The following CNTN5 variants were observed in gnomAD, a reference collection of about 807,000 sequenced individuals.
CNTN5 encodes contactin-5.
A neutral mutation model predicts 129.1 loss-of-function variants in CNTN5; 77 were observed. The ratio of observed to expected loss-of-function variants is 0.60; its 90% CI spans 0.50 to 0.72. The LOEUF is 0.72. Among genes scored for constraint, CNTN5 ranks in the 30% least tolerant of loss-of-function variants. The probability of loss-of-function intolerance (pLI) is 0.00; values close to 1 mark genes in which losing one functional copy is unlikely to be tolerated. For synonymous variants in CNTN5, 509 were observed against 465.6 expected, an observed-to-expected ratio of 1.09 and a Z score of -1.20; for missense variants, 1,478 against 1,328.8, an observed-to-expected ratio of 1.11 and a Z score of -1.75.
chr11:99,105,875 A>C (rs1054181654), intron 1 of CNTN5, among the ~76,000 whole-genome samples: 1 of 152,182 alleles, frequency 6.6e-6, no homozygotes, highest in Non-Finnish European at 1.5e-5. Flanking sequence ...GGAGTGTGCT[A>C]ATATTTTCTA....
At chr11:99,665,922 A>G (rs1284198742) in intron 3 of CNTN5, among the ~76,000 whole-genome samples, 1 of 151,746 alleles carries the variant, frequency 6.6e-6, no homozygotes, top group Non-Finnish European at 1.5e-5. Context: ...TCACCTTAGA[A>G]GAAGAGCACA....
chr11:99,827,596 C>T (rs1947005066), intron 4 of CNTN5, among the ~76,000 whole-genome samples: 1 of 152,100 alleles, frequency 6.6e-6, no homozygotes, highest in Non-Finnish European at 1.5e-5. Flanking sequence ...AGTGATAACA[C>T]ATATTTTTGT....
chr11:99,486,768 A>G (rs1215202438), intron 2 of CNTN5, among the ~76,000 whole-genome samples: 2 of 152,180 alleles, frequency 1.3e-5, no homozygotes, highest in Non-Finnish European at 2.9e-5. Context: ...ACTTTGATCA[A>G]TATTGGCTTT....
At chr11:100,226,491 G>A (rs2138634462) in intron 16 of CNTN5, among the ~76,000 whole-genome samples, 1 of 152,248 alleles carries the variant, frequency 6.6e-6, no homozygotes, top group African/African-American at 2.4e-5. Context: ...TTCATGTTCT[G>A]CTCTTTTAGC....
chr11:100,321,986 G>A (rs534619220), intron 21 of CNTN5, among the ~76,000 whole-genome samples: 1 of 152,028 alleles, frequency 6.6e-6, no homozygotes, highest in Non-Finnish European at 1.5e-5. Flanking sequence ...AGGGATATTG[G>A]CATATAGATA....
intron 2 of CNTN5, among the ~76,000 whole-genome samples, chr11:99,333,474 C>T (rs1866086926): frequency 6.6e-6 from 1 of 151,970 alleles, no homozygotes; most frequent in African/African-American, 2.4e-5. Context: ...CAAACAATAT[C>T]CATATTTTAT....
intron 9 of CNTN5, among the ~76,000 whole-genome samples, chr11:100,043,767 A>G (rs1942500870): frequency 6.6e-6 from 1 of 152,148 alleles, no homozygotes; most frequent in Non-Finnish European, 1.5e-5. Context: ...CCTGTCTAAC[A>G]TAAATAGTCT....
At chr11:100,264,672 C>A (rs565258369) in intron 17 of CNTN5, among the ~76,000 whole-genome samples, 110 of 152,024 alleles carry the variant, frequency 7.2e-4, no homozygotes, top group African/African-American at 1.9e-3. Flanking sequence ...CTGCTAATGT[C>A]AATAGTGCTG....
chr11:100,284,470 A>G (rs1367996389), intron 18 of CNTN5, among the ~76,000 whole-genome samples: 1 of 152,242 alleles, frequency 6.6e-6, no homozygotes. Flanking sequence ...TAAATTTGGG[A>G]TAGCATAATG....
At chr11:99,652,334 T>C (rs748444319) in intron 3 of CNTN5, among the ~76,000 whole-genome samples, 11 of 152,072 alleles carry the variant, frequency 7.2e-5, no homozygotes, top group Admixed American at 1.3e-4. Flanking sequence ...TTGGTTATAA[T>C]AGCATCTTAC....
At chr11:99,535,567 G>C (rs1947870302) in intron 2 of CNTN5, among the ~76,000 whole-genome samples, 1 of 152,168 alleles carries the variant, frequency 6.6e-6, no homozygotes, top group South Asian at 2.1e-4. Context: ...TCTGGAGTAA[G>C]ACCTAGGCAT....
At chr11:99,201,118 G>A (rs1859159983) in intron 1 of CNTN5, among the ~76,000 whole-genome samples, 1 of 138,660 alleles carries the variant, frequency 7.2e-6, no homozygotes, top group Non-Finnish European at 1.5e-5. Context: ...TCTGCCTCCC[G>A]GGTTCCAGCG....
At chr11:99,042,370 T>G (rs1260278602) in intron 1 of CNTN5, among the ~76,000 whole-genome samples, 1 of 126,046 alleles carries the variant, frequency 7.9e-6, no homozygotes, top group Non-Finnish European at 1.7e-5. Flanking sequence ...TTCTTCTTTT[T>G]TTTTTTTTTT....
At chr11:99,279,331 C>T (rs1020987007) in intron 1 of CNTN5, among the ~76,000 whole-genome samples, 1 of 151,760 alleles carries the variant, frequency 6.6e-6, no homozygotes, top group East Asian at 1.9e-4. Flanking sequence ...TCATTAGAAA[C>T]TTAGGTTGCT....
At chr11:99,035,540 CTT>C (rs1406480421) in intron 1 of CNTN5, among the ~76,000 whole-genome samples, 3 of 148,374 alleles carry the variant, frequency 2.0e-5, no homozygotes, top group Non-Finnish European at 4.5e-5. Context: ...TTCTTTGTCT[CTT>C]TTGATCTTTG....
At chr11:99,034,070 T>A (rs1171518718) in intron 1 of CNTN5, among the ~76,000 whole-genome samples, 2 of 152,204 alleles carry the variant, frequency 1.3e-5, no homozygotes, top group African/African-American at 4.8e-5. Context: ...CTGGATTATA[T>A]TTATTGATCT....
At chr11:100,312,445 C>A (rs911560041) in intron 21 of CNTN5, among the ~76,000 whole-genome samples, 1 of 152,004 alleles carries the variant, frequency 6.6e-6, no homozygotes, top group Non-Finnish European at 1.5e-5. Context: ...CTCTTCTCCC[C>A]ACTTATTTTT....
chr11:99,233,127 G>A (rs1861088040), intron 1 of CNTN5, among the ~76,000 whole-genome samples: 1 of 152,134 alleles, frequency 6.6e-6, no homozygotes, highest in African/African-American at 2.4e-5. Context: ...AGGCTACATG[G>A]CTGCATTTAA....
rs78635169 is a variant in CNTN5 at position 99,823,106 on chromosome 11, G to T, written c.277+3341G>T. Among the ~76,000 whole-genome samples, 6 of 152,314 alleles carry T rather than the reference G, an allele frequency of 3.9e-5. No individual in the cohort carries two copies. The South Asian group carries it at 6.2e-4, about 16-fold the overall frequency. On this transcript the variant is annotated intron_variant, in intron 4 of 24. Transcript: ENST00000524871. ...GTATCCGTACCTATTCGAACATTGGGATGAGACAGCCTCCCACCTTTTGAA... is the reference window on the plus strand; with the variant it reads ...GTATCCGTACCTATTCGAACATTGGTATGAGACAGCCTCCCACCTTTTGAA...
Sources: gnomAD v4.1 joint callset for allele counts (sites outside exome capture counted in the v4.1 genomes callset) on GRCh38, gnomAD v4.1.1 for gene constraint, MANE v1.5 for transcripts, NCBI Gene and HGNC (gene_info 2026-07-23, HGNC 2026-07-21) for gene names.